Variants in HYAL4 observed in about 807,000 individuals in gnomAD.
The protein encoded by HYAL4 is hyaluronidase 4.
Under a neutral mutation model 35.2 loss-of-function variants are expected in HYAL4, and 37 were observed. The observed-to-expected ratio is 1.05, with a 90% confidence interval of 0.81 to 1.38. HYAL4 has a LOEUF of 1.38. Among genes scored for constraint, HYAL4 ranks in the 40% most tolerant of loss-of-function variants. The pLI is 0.00. For missense variants in HYAL4, 572 were observed against 572.4 expected, an observed-to-expected ratio of 1.00 and a Z score of 0.01; for synonymous variants, 198 against 203.2, an observed-to-expected ratio of 0.97 and a Z score of 0.22.
chr7:123,865,046 C>T (rs1474407200), intron 2 of HYAL4, among the ~76,000 whole-genome samples: 3 of 148,606 alleles, frequency 2.0e-5, no homozygotes, highest in Admixed American at 6.7e-5. Flanking sequence ...ACTACAGTGT[C>T]TTCCCTGAGA....
In HYAL4 at chr7:123,869,163, C is replaced by T. The variant is rs751810226; in HGVS notation, c.890C>T (p.Ala297Val). 2 of 1,613,988 alleles carry T rather than the reference C, an allele frequency of 1.2e-6. No individual in the cohort carries two copies. The highest frequency in any genetic ancestry group is 8.5e-7 in the Non-Finnish European group (1 of 1,180,022). ...RISTMTSHDY[A>V]LPVFVYTRLG... Reference sequence around the variant, plus strand: ...TCCACCATGACATCTCATGATTATGCTCTGCCTGTATTTGTCTACACAAGG... The same window carrying T: ...TCCACCATGACATCTCATGATTATGTTCTGCCTGTATTTGTCTACACAAGG... The change falls in exon 3 of 5, where the codon GCT (alanine) becomes GTT (valine). Residue 297 changes from alanine (A) to valine (V), a missense_variant. Coordinates refer to ENST00000223026, the MANE Select transcript of HYAL4 (RefSeq NM_012269.3).
chr7:123,764,285 T>C, the HYAL4 span, among the ~76,000 whole-genome samples: 1 of 152,210 alleles, frequency 6.6e-6, no homozygotes, highest in African/African-American at 2.4e-5. Flanking sequence ...CTTCAATATT[T>C]ATGTTGGGTG....
At chr7:123,766,463 T>C in the HYAL4 span, among the ~76,000 whole-genome samples, 2 of 151,956 alleles carry the variant, frequency 1.3e-5, no homozygotes, top group East Asian at 3.9e-4. Context: ...CCTAAGCTTA[T>C]TTTTTTCTTT....
At chr7:123,815,484 TA>T in the HYAL4 span, among the ~76,000 whole-genome samples, 2 of 152,268 alleles carry the variant, frequency 1.3e-5, no homozygotes, top group Admixed American at 6.5e-5. Context: ...CTAGGCTAAC[TA>T]AAAAAATTAC....
intron 2 of HYAL4, among the ~76,000 whole-genome samples, chr7:123,858,813 T>C (rs1363992846): frequency 6.6e-6 from 1 of 152,146 alleles, no homozygotes; most frequent in South Asian, 2.1e-4. Flanking sequence ...ATAATGAAAC[T>C]TCTTCTAGTG....
At chr7:123,859,139 AC>A (rs1306841966) in intron 2 of HYAL4, among the ~76,000 whole-genome samples, 6 of 152,330 alleles carry the variant, frequency 3.9e-5, no homozygotes, top group Admixed American at 3.9e-4. Context: ...GAAGAAGTTA[AC>A]AAGCAATCTA....
the HYAL4 span, among the ~76,000 whole-genome samples, chr7:123,796,351 T>C: frequency 3.3e-5 from 5 of 152,178 alleles, no homozygotes; most frequent in African/African-American, 1.2e-4. Context: ...GGAAAAAAAA[T>C]GTTTTTAAAG....
the HYAL4 span, among the ~76,000 whole-genome samples, chr7:123,823,808 G>A: frequency 2.3e-4 from 35 of 150,154 alleles, no homozygotes; most frequent in African/African-American, 8.3e-4. Flanking sequence ...AGGTTATCCC[G>A]AGTTACCTAG....
intron 2 of HYAL4, among the ~76,000 whole-genome samples, chr7:123,858,573 G>C (rs530134497): frequency 6.6e-6 from 1 of 152,174 alleles, no homozygotes; most frequent in Admixed American, 6.5e-5. Flanking sequence ...AAAGGGTAGT[G>C]TGCAAGATCC....
At position 123,845,623 on chromosome 7, in the gene HYAL4, C is replaced by T. The variant is rs116949099; in HGVS notation, c.-184C>T. 6.6e-6 allele frequency: 1 copy of T among 152,194 alleles called. No individual in the cohort carries two copies. Among genetic ancestry groups the T allele is most frequent in the Non-Finnish European group, 1.5e-5 (1 of 67,996 alleles). 9.4% of individuals were successfully genotyped at this position (152,194 alleles called of 1,614,324 possible). On this transcript the variant is annotated 5_prime_UTR_variant, in exon 1 of 5. Transcript: ENST00000223026. ...GATGCCTCCTTGTTTAGCTTAATAA[C>T]TGACCTTCTGAATTCTTTTTTAGGA...
At chr7:123,837,536 T>A (rs117413581) in intron 1 of HYAL4, among the ~76,000 whole-genome samples, 6,561 of 152,230 alleles carry the variant, frequency 0.043, 156 homozygotes, top group Middle Eastern at 0.072. Flanking sequence ...ATTTTTTTTT[T>A]AAATTATACT....
At chr7:123,797,784 A>G in the HYAL4 span, among the ~76,000 whole-genome samples, 1 of 152,100 alleles carries the variant, frequency 6.6e-6, no homozygotes. Context: ...CCTGGAATTC[A>G]TACAAGTAGC....
At chr7:123,870,228 C>G (rs767817056) in intron 3 of HYAL4, among the ~76,000 whole-genome samples, 3 of 152,130 alleles carry the variant, frequency 2.0e-5, no homozygotes, top group Non-Finnish European at 2.9e-5. Flanking sequence ...AGAAAACACC[C>G]AGGTGAGGGC....
At chr7:123,778,503 A>ATTATTTTTATTTTT in the HYAL4 span, among the ~76,000 whole-genome samples, 99 of 151,918 alleles carry the variant, frequency 6.5e-4, no homozygotes, top group African/African-American at 2.3e-3. Context: ...ATCTTTCATG[A>ATTATTTTTATTTTT]CAGTATTATT....
chr7:123,810,431 G>A, the HYAL4 span, among the ~76,000 whole-genome samples: 1 of 152,154 alleles, frequency 6.6e-6, no homozygotes, highest in African/African-American at 2.4e-5. Flanking sequence ...CATAGATGTT[G>A]TTTCTAGGAT....
intron 1 of HYAL4, among the ~76,000 whole-genome samples, chr7:123,831,327 C>T (rs925742460): frequency 6.6e-6 from 1 of 152,168 alleles, no homozygotes; most frequent in African/African-American, 2.4e-5. Flanking sequence ...TCTTGAACTT[C>T]CCAGCCTGCA....
chr7:123,865,805 T>C (rs1806674283), intron 2 of HYAL4, among the ~76,000 whole-genome samples: 1 of 152,168 alleles, frequency 6.6e-6, no homozygotes, highest in Admixed American at 6.5e-5. Context: ...CTCACACTGC[T>C]AATGAAAACA....
At chr7:123,785,940 CAAG>C in the HYAL4 span, among the ~76,000 whole-genome samples, 2 of 139,298 alleles carry the variant, frequency 1.4e-5, no homozygotes, top group African/African-American at 5.3e-5. This position sits in a 1 kb window ranked among gnomAD's most constrained non-coding sequence, Gnocchi z 4.5. Context: ...TCAGTAGAAA[CAAG>C]AAAACAAAAC....
the HYAL4 span, among the ~76,000 whole-genome samples, chr7:123,764,362 A>G: frequency 6.6e-6 from 1 of 152,252 alleles, no homozygotes; most frequent in Non-Finnish European, 1.5e-5. Context: ...CTGTGCCCAC[A>G]TTGCAACTTG....
Sources: allele counts gnomAD v4.1 joint callset (sites outside exome capture counted in the v4.1 genomes callset), GRCh38; gene constraint gnomAD v4.1.1; non-coding constraint Gnocchi (gnomAD v3.1); transcripts MANE v1.5; gene names NCBI Gene and HGNC (gene_info 2026-07-23, HGNC 2026-07-21).